Variants in PCDHGB1 observed in about 807,000 individuals in gnomAD.
PCDHGB1 encodes protocadherin gamma-B1.
A neutral mutation model predicts 56.6 loss-of-function variants in PCDHGB1; 34 were observed. The ratio of observed to expected loss-of-function variants is 0.60; its 90% CI spans 0.46 to 0.80. The LOEUF (loss-of-function observed/expected upper bound fraction) is 0.80. PCDHGB1 is among the 30% of genes least tolerant of loss of function. PCDHGB1 has a pLI of 0.00. For synonymous variants in PCDHGB1, 561 were observed against 505.9 expected (o/e 1.11, Z -1.46); for missense variants, 1,278 against 1,204.6 (o/e 1.06, Z -0.90).
chr5:141,409,328 T>A, intron 1 of PCDHGB1: 3 of 1,613,926 alleles, frequency 1.9e-6, no homozygotes, highest in Non-Finnish European at 2.5e-6. Context: ...GGATCTGGAT[T>A]TCGGAGGAAA....
chr5:141,393,535 T>G, intron 1 of PCDHGB1: 1 of 1,613,888 alleles, frequency 6.2e-7, no homozygotes, highest in Non-Finnish European at 8.5e-7. Context: ...AATGCCCCGG[T>G]TTTTCCTCAC....
rs1228153118 is a variant in PCDHGB1 at position 141,433,077 on chromosome 5, C to G, written c.2410-61730C>G. 5.0e-6 allele frequency: 8 copies of G among 1,614,080 alleles called. No homozygotes were observed. The African/African-American group carries it at 6.7e-5, about 13-fold the overall frequency. On this transcript the variant is annotated intron_variant, in intron 1 of 3. Transcript: ENST00000523390. Reference sequence around the variant, plus strand: ...AAGAGTCACCTGATCTTCCCCCAGCCCAACTATGCAGACATGCTCGTCAGC... The same window carrying G: ...AAGAGTCACCTGATCTTCCCCCAGCGCAACTATGCAGACATGCTCGTCAGC...
Position 141,352,258 on chromosome 5 carries a change from G to A in PCDHGB1, c.1998G>A (p.Glu666=), listed in dbSNP as rs939972286. ...LHLIFADSLQ[E]VLPDLSDRPE... is the part of the protein sequence containing the mutation. Reference sequence around the variant, plus strand: ...TAATCTTCGCGGATAGCCTGCAAGAGGTATTGCCAGACCTCAGCGACCGCC... The same window carrying A: ...TAATCTTCGCGGATAGCCTGCAAGAAGTATTGCCAGACCTCAGCGACCGCC... The change falls in exon 1 of 4, where the codon GAG becomes GAA. Residue 666 remains glutamate, a synonymous_variant. Transcript: ENST00000523390. 6.8e-6 allele frequency: 11 copies of A among 1,613,980 alleles called. No homozygotes were observed. The highest frequency in any genetic ancestry group is 1.7e-5 in the Admixed American group (1 of 60,012).
At chr5:141,356,973 G>A in intron 1 of PCDHGB1, 2 of 1,614,266 alleles carry the variant, frequency 1.2e-6, no homozygotes, top group East Asian at 2.2e-5. Flanking sequence ...TGACCAAAGT[G>A]GTGGCAGTGG....
At chr5:141,468,758 C>G (rs929005462) in intron 1 of PCDHGB1, among the ~76,000 whole-genome samples, 1 of 151,802 alleles carries the variant, frequency 6.6e-6, no homozygotes, top group Admixed American at 6.6e-5. Context: ...CCCAGCTACT[C>G]GGGAGGCTGA....
chr5:141,399,997 A>G, intron 1 of PCDHGB1: 1 of 1,612,344 alleles, frequency 6.2e-7, no homozygotes, highest in Non-Finnish European at 8.5e-7. Context: ...AGAGGTGCGC[A>G]CAGCGCGTGC....
At chr5:141,433,343 G>A (rs1591274674) in intron 1 of PCDHGB1, 1 of 630,308 alleles carries the variant, frequency 1.6e-6, no homozygotes, top group Admixed American at 3.0e-5. Flanking sequence ...ACAGGTGCAA[G>A]CCACCTACTG....
chr5:141,403,004 T>A, intron 1 of PCDHGB1: 1 of 1,613,990 alleles, frequency 6.2e-7, no homozygotes, highest in Non-Finnish European at 8.5e-7. Context: ...CCTGCTATGC[T>A]CGCTCCTGGG....
intron 1 of PCDHGB1, among the ~76,000 whole-genome samples, chr5:141,479,992 G>A (rs1336315766): frequency 6.6e-6 from 1 of 152,204 alleles, no homozygotes; most frequent in Non-Finnish European, 1.5e-5. Context: ...CCAACTAGGA[G>A]TCTGTGGCCA....
At chr5:141,394,243 A>G (rs2092952699) in intron 1 of PCDHGB1, 2 of 1,613,844 alleles carry the variant, frequency 1.2e-6, no homozygotes, top group East Asian at 4.5e-5. Context: ...TTGACTGCAC[A>G]CGACCCCGAC....
chr5:141,474,210 A>G (rs1054533367), intron 1 of PCDHGB1, among the ~76,000 whole-genome samples: 3 of 152,230 alleles, frequency 2.0e-5, no homozygotes, highest in Non-Finnish European at 4.4e-5. Context: ...ATTTTCAAAA[A>G]CCAGATTGTG....
At chr5:141,435,052 T>C (rs922871138) in intron 1 of PCDHGB1, among the ~76,000 whole-genome samples, 1 of 152,174 alleles carries the variant, frequency 6.6e-6, no homozygotes, top group African/African-American at 2.4e-5. Context: ...CCATTGACCA[T>C]GCAGCAGTTT....
At chr5:141,510,626 AGGTG>A (rs2099882005) in intron 3 of PCDHGB1, among the ~76,000 whole-genome samples, 1 of 152,144 alleles carries the variant, frequency 6.6e-6, no homozygotes, top group Admixed American at 6.5e-5. Context: ...AAACCAGAAG[AGGTG>A]GTTACCATTA....
intron 1 of PCDHGB1, among the ~76,000 whole-genome samples, chr5:141,405,769 C>T (rs1363688527): frequency 2.6e-5 from 4 of 152,080 alleles, no homozygotes; most frequent in Non-Finnish European, 2.9e-5. Context: ...TGAGCCACTG[C>T]GCCTGGCCCT....
chr5:141,359,058 A>G (rs1335887874), intron 1 of PCDHGB1, among the ~76,000 whole-genome samples: 1 of 152,254 alleles, frequency 6.6e-6, no homozygotes, highest in African/African-American at 2.4e-5. Flanking sequence ...AATATGCCTC[A>G]ATTTGACTTA....
At chr5:141,409,702 G>C (rs545411022) in intron 1 of PCDHGB1, 2 of 1,613,108 alleles carry the variant, frequency 1.2e-6, no homozygotes, top group African/African-American at 2.7e-5. Context: ...AGCCCCTGGC[G>C]GTGTCGTCAT....
At chr5:141,369,998 A>G (rs553441989) in intron 1 of PCDHGB1, among the ~76,000 whole-genome samples, 1 of 152,372 alleles carries the variant, frequency 6.6e-6, no homozygotes, top group Admixed American at 6.5e-5. Context: ...ATAAAGCTCA[A>G]ATTAAAAGAA....
rs367793525 is a variant in PCDHGB1, at chr5:141,352,460, G to A, written c.2200G>A (p.Gly734Arg). ...QTGLCSKSGP[G>R]VPPNHSEGTL... ...CGGTCTCTGCTCCAAGTCTGGGCCC[G>A]GGGTTCCTCCCAACCACAGCGAGGG... Residue 734 changes from glycine (G) to arginine (R), a missense_variant, in exon 1 of 4, where the codon GGG becomes AGG. By Grantham distance (125) the Gly-to-Arg change is moderately radical (BLOSUM62 -2). Transcript: ENST00000523390. 3.1e-6 allele frequency: 5 copies of A among 1,613,896 alleles called. No homozygotes were observed. Among genetic ancestry groups the A allele is most frequent in the Non-Finnish European group, 3.4e-6 (4 of 1,179,906 alleles).
intron 1 of PCDHGB1, chr5:141,478,023 A>G (rs2099428714): frequency 6.2e-7 from 1 of 1,614,112 alleles, no homozygotes; most frequent in South Asian, 1.1e-5. Flanking sequence ...CCAGTCCAAG[A>G]CACAGATTCA....
Sources: allele counts gnomAD v4.1 joint callset (sites outside exome capture counted in the v4.1 genomes callset), GRCh38; gene constraint gnomAD v4.1.1; transcripts MANE v1.5; gene names NCBI Gene and HGNC (gene_info 2026-07-23, HGNC 2026-07-21).